Variants in MIGA1 observed in about 807,000 individuals in gnomAD.
MIGA1 encodes the protein family with sequence similarity 73, member A.
Under a neutral mutation model 82.0 loss-of-function variants are expected in MIGA1, and 58 were observed. That is an observed-to-expected ratio of 0.71 (90% CI 0.57 to 0.88). The LOEUF (loss-of-function observed/expected upper bound fraction) is 0.88. Ranked by LOEUF, MIGA1 falls within the 40% of genes least tolerant of loss-of-function variation. MIGA1 has a pLI of 0.00. For synonymous variants in MIGA1, 249 were observed against 253.6 expected (o/e 0.98, Z 0.17); for missense variants, 751 against 749.1 (o/e 1.00, Z -0.03).
At chr1:77,812,393 G>A (rs1364904832) in intron 5 of MIGA1, among the ~76,000 whole-genome samples, 4 of 152,032 alleles carry the variant, frequency 2.6e-5, no homozygotes, top group Admixed American at 2.0e-4. Context: ...GCAGTGAGCC[G>A]AGATGGTGCC....
rs1456311755 is a variant in MIGA1 at position 77,811,539 on chromosome 1, CTG to C, written c.638-2190_638-2189del. The C allele has an allele frequency of 3.7e-6, 6 of 1,603,132 alleles. No homozygotes were observed. The African/African-American group carries it at 4.0e-5, about 11-fold the overall frequency. On this transcript the variant is annotated intron_variant, in intron 5 of 15. Transcript: ENST00000370791. ...CCTCCAGTTTAAATTCTTCTTGAGACTGTGTGGACTGTAAAGCTGCACTTCGC... is the reference window on the plus strand; with the variant it reads ...CCTCCAGTTTAAATTCTTCTTGAGACTGTGGACTGTAAAGCTGCACTTCGC...
At chr1:77,818,524 A>C (rs1683667496) in intron 7 of MIGA1, among the ~76,000 whole-genome samples, 2 of 152,272 alleles carry the variant, frequency 1.3e-5, no homozygotes, top group South Asian at 4.1e-4. Context: ...ATGGTAACAA[A>C]CAATAGTGGC....
At chr1:77,833,096 G>C (rs887305268) in intron 7 of MIGA1, among the ~76,000 whole-genome samples, 5 of 152,162 alleles carry the variant, frequency 3.3e-5, no homozygotes, top group Admixed American at 2.0e-4. Flanking sequence ...GGCAACAAGA[G>C]GAAATACCTC....
chr1:77,836,549 A>G (rs528073920), intron 7 of MIGA1, among the ~76,000 whole-genome samples: 32 of 152,326 alleles, frequency 2.1e-4, no homozygotes, highest in African/African-American at 7.5e-4. Context: ...TGGTAATGAT[A>G]GTAATAGAAA....
At chr1:77,809,155 A>C (rs1383767850) in intron 5 of MIGA1, among the ~76,000 whole-genome samples, 1 of 152,118 alleles carries the variant, frequency 6.6e-6, no homozygotes, top group Non-Finnish European at 1.5e-5. Flanking sequence ...GAATATTAAA[A>C]ATTCAAATTG....
chr1:77,867,782 A>G (rs546001956), intron 14 of MIGA1, among the ~76,000 whole-genome samples: 94 of 152,364 alleles, frequency 6.2e-4, no homozygotes, highest in Non-Finnish European at 1.1e-3. Context: ...ACTTTGAGAC[A>G]GTATTGCCAG....
Position 77,803,255 on chromosome 1 carries a change from A to G in MIGA1, c.374-15A>G. 3 of 1,414,892 alleles carry G rather than the reference A, an allele frequency of 2.1e-6. No homozygotes were observed. Among genetic ancestry groups the G allele is most frequent in the Non-Finnish European group, 2.8e-6 (3 of 1,069,024 alleles). 87.6% of individuals were successfully genotyped at this position (1,414,892 alleles called of 1,614,324 possible). ...CGTTATTGATATTTTTAATATTAGT[A>G]TGTTTATTTGATAGGTTCAAGTTGT... On this transcript the variant is annotated splice_polypyrimidine_tract_variant and intron_variant, in intron 3 of 15. Coordinates refer to ENST00000370791, the MANE Select transcript of MIGA1 (RefSeq NM_198549.4).
chr1:77,826,004 C>T (rs1303873578), intron 7 of MIGA1, among the ~76,000 whole-genome samples: 2 of 152,132 alleles, frequency 1.3e-5, no homozygotes, highest in East Asian at 1.9e-4. Flanking sequence ...AGTGAGATTA[C>T]ATAACATATT....
intron 7 of MIGA1, among the ~76,000 whole-genome samples, chr1:77,816,035 C>G (rs1050666116): frequency 2.6e-5 from 4 of 152,180 alleles, no homozygotes; most frequent in African/African-American, 9.7e-5. Context: ...ACTCCGCCTC[C>G]CAAGTTCATG....
At chr1:77,793,689 A>C (rs1372832590) in intron 2 of MIGA1, among the ~76,000 whole-genome samples, 1 of 142,122 alleles carries the variant, frequency 7.0e-6, no homozygotes, top group Non-Finnish European at 1.5e-5. Flanking sequence ...AGGCTGGTCT[A>C]CCTGACTTCA....
At chr1:77,809,797 C>T (rs1416606498) in intron 5 of MIGA1, among the ~76,000 whole-genome samples, 1 of 147,630 alleles carries the variant, frequency 6.8e-6, no homozygotes, top group East Asian at 2.0e-4. Context: ...ATTTATGCCC[C>T]ATTAAGTCAA....
chr1:77,872,505 G>A (rs943297087), intron 14 of MIGA1, among the ~76,000 whole-genome samples: 1 of 152,076 alleles, frequency 6.6e-6, no homozygotes, highest in South Asian at 2.1e-4. Context: ...GAATTTTGAG[G>A]TGGGAGGATC....
At chr1:77,830,833 G>T (rs1299912254) in intron 7 of MIGA1, among the ~76,000 whole-genome samples, 1 of 152,138 alleles carries the variant, frequency 6.6e-6, no homozygotes, top group Non-Finnish European at 1.5e-5. Flanking sequence ...TTTATTTGCT[G>T]TGTACCTGAC....
At chr1:77,866,619 A>G (rs574521173) in intron 14 of MIGA1, among the ~76,000 whole-genome samples, 5 of 151,116 alleles carry the variant, frequency 3.3e-5, no homozygotes, top group African/African-American at 1.2e-4. Flanking sequence ...TAACTGGGAG[A>G]GGGGTTTCGA....
intron 8 of MIGA1, chr1:77,847,961 G>A: frequency 8.0e-7 from 1 of 1,252,920 alleles, no homozygotes; most frequent in Non-Finnish European, 1.2e-6. Flanking sequence ...AGAGACCCCT[G>A]AGAATCACCC....
intron 2 of MIGA1, among the ~76,000 whole-genome samples, chr1:77,787,454 C>T (rs1211452116): frequency 2.7e-5 from 4 of 150,554 alleles, no homozygotes; most frequent in African/African-American, 9.8e-5. Context: ...GGTGCAATCT[C>T]ACTGCTCACT....
At chr1:77,820,798 C>T (rs1339525283) in intron 7 of MIGA1, among the ~76,000 whole-genome samples, 1 of 152,114 alleles carries the variant, frequency 6.6e-6, no homozygotes, top group Non-Finnish European at 1.5e-5. Context: ...GAAGTACCTT[C>T]TTGAACTAGA....
chr1:77,816,195 C>T (rs539633150), intron 7 of MIGA1, among the ~76,000 whole-genome samples: 2 of 152,272 alleles, frequency 1.3e-5, no homozygotes, highest in East Asian at 3.9e-4. Context: ...CCTCCCACCT[C>T]AGCCTCCCAA....
At chr1:77,823,286 G>A (rs1343164015) in intron 7 of MIGA1, among the ~76,000 whole-genome samples, 1 of 151,840 alleles carries the variant, frequency 6.6e-6, no homozygotes, top group Admixed American at 6.6e-5. Context: ...GGTTACTTTT[G>A]GTAGATGAAG....
Sources: gnomAD v4.1 joint callset for allele counts (sites outside exome capture counted in the v4.1 genomes callset) on GRCh38, gnomAD v4.1.1 for gene constraint, MANE v1.5 for transcripts, NCBI Gene and HGNC (gene_info 2026-07-23, HGNC 2026-07-21) for gene names.